Variants in CFAP54 observed in about 807,000 individuals in gnomAD.
CFAP54 encodes cilia and flagella associated protein 54.
In CFAP54, 290 loss-of-function variants were observed where a neutral mutation model predicts 370.4. That is an observed-to-expected ratio of 0.78 (90% CI 0.71 to 0.86). CFAP54 has a LOEUF of 0.86. Among genes scored for constraint, CFAP54 ranks in the 40% least tolerant of loss-of-function variants. The pLI, the probability that CFAP54 is intolerant of heterozygous loss-of-function variation, is 0.00. For missense variants in CFAP54, 3,399 were observed against 3,528.7 expected (o/e 0.96, Z 0.93); for synonymous variants, 1,206 against 1,236.5 (o/e 0.98, Z 0.52).
intron 49 of CFAP54, among the ~76,000 whole-genome samples, chr12:96,719,362 A>G (rs1957722584): frequency 6.6e-6 from 1 of 152,240 alleles, no homozygotes; most frequent in Non-Finnish European, 1.5e-5. Flanking sequence ...TATTTATATA[A>G]TATTCACTGC....
chr12:96,803,122 G>A lies in CFAP54; in HGVS notation c.8851-8614G>A, dbSNP rs145463845. On this transcript the variant is annotated intron_variant, in intron 63 of 67. Coordinates refer to ENST00000524981, the MANE Select transcript of CFAP54 (RefSeq NM_001306084.2). ...TTCCAAGTTTTTGCTATTGTAAATA[G>A]TGCCGCAATAAACACACGTGTGCAT... 9.5e-3 allele frequency among the ~76,000 whole-genome samples: 1,444 copies of A among 152,240 alleles called. 55 individuals are homozygous for A. The East Asian group carries it at 0.1, about 11-fold the overall frequency.
chr12:96,593,000 GTTA>G lies in CFAP54; in HGVS notation c.3360+372_3360+374del, dbSNP rs569232589. 3.3e-3 allele frequency among the ~76,000 whole-genome samples: 501 copies of G among 152,132 alleles called. 4 individuals are homozygous for G. Among genetic ancestry groups the G allele is most frequent in the African/African-American group, 0.011 (475 of 41,532 alleles). On this transcript the variant is annotated intron_variant, in intron 24 of 67. Coordinates refer to ENST00000524981, the MANE Select transcript of CFAP54 (RefSeq NM_001306084.2). ...TAAGAACATATGCCTAGACAAATCT[GTTA>G]TTATTATTTATGAAAATGGGATTAT...
At chr12:96,578,303 G>C (rs953601796) in intron 20 of CFAP54, among the ~76,000 whole-genome samples, 5 of 152,170 alleles carry the variant, frequency 3.3e-5, no homozygotes, top group Admixed American at 1.3e-4. Context: ...AATTGTGAGA[G>C]GAGGGGAATA....
chr12:96,506,682 GT>G (rs973273962), intron 3 of CFAP54, among the ~76,000 whole-genome samples: 2 of 150,900 alleles, frequency 1.3e-5, no homozygotes, highest in Admixed American at 6.6e-5. Context: ...TGCCTCCCAG[GT>G]TCAAACGATT....
intron 67 of CFAP54, among the ~76,000 whole-genome samples, chr12:96,864,390 T>A (rs2136466646): frequency 6.6e-6 from 1 of 152,264 alleles, no homozygotes; most frequent in East Asian, 1.9e-4. Context: ...GAGATTGCTT[T>A]AGAAATTGAC....
intron 1 of CFAP54, among the ~76,000 whole-genome samples, chr12:96,491,957 G>C (rs1046488512): frequency 6.6e-6 from 1 of 151,934 alleles, no homozygotes; most frequent in Non-Finnish European, 1.5e-5. Context: ...ATGGGGTTTC[G>C]CCATGTTGGC....
In CFAP54 at chr12:96,827,238, A is replaced by G. The variant is rs1183402911; in HGVS notation, c.9097-1776A>G. ...ATGTGATTATATATAATGTGCAGTTATATGTGATTATATATAGTGTGCAGT... is the reference window on the plus strand; with the variant it reads ...ATGTGATTATATATAATGTGCAGTTGTATGTGATTATATATAGTGTGCAGT... On this transcript the variant is annotated intron_variant, in intron 65 of 67. Transcript: ENST00000524981. Among the ~76,000 whole-genome samples, 2 of 22,134 alleles carry G rather than the reference A, an allele frequency of 9.0e-5. 1 individual carries two copies. The highest frequency in any genetic ancestry group is 1.3e-4 in the Non-Finnish European group (2 of 15,934). 14.5% of individuals were successfully genotyped at this position (22,134 alleles called of 152,430 possible). A position where few individuals can be genotyped will look rare whatever the true frequency, so the allele number is the denominator to read the frequency against.
At chr12:96,745,937 G>A (rs541160774) in intron 55 of CFAP54, among the ~76,000 whole-genome samples, 21 of 152,264 alleles carry the variant, frequency 1.4e-4, no homozygotes, top group African/African-American at 4.8e-4. Flanking sequence ...TTCAATCCCA[G>A]GTGGATGGTA....
chr12:96,565,982 A>T (rs1267091892), intron 19 of CFAP54, among the ~76,000 whole-genome samples: 7 of 152,308 alleles, frequency 4.6e-5, no homozygotes, highest in Non-Finnish European at 4.4e-5. Context: ...GCAAGATCTG[A>T]TAGTTTAATA....
At chr12:96,602,827 C>T (rs1306965604) in intron 26 of CFAP54, among the ~76,000 whole-genome samples, 1 of 152,066 alleles carries the variant, frequency 6.6e-6, no homozygotes, top group Non-Finnish European at 1.5e-5. Context: ...TCCTTTATCC[C>T]TTTATTTTGG....
intron 20 of CFAP54, among the ~76,000 whole-genome samples, chr12:96,578,585 A>C (rs1956002912): frequency 6.6e-6 from 1 of 152,224 alleles, no homozygotes; most frequent in Non-Finnish European, 1.5e-5. Context: ...TCTTGGAAAT[A>C]GGAAGATATA....
chr12:96,516,992 C>G (rs1372314736), intron 5 of CFAP54, among the ~76,000 whole-genome samples: 1 of 149,226 alleles, frequency 6.7e-6, no homozygotes, highest in East Asian at 1.9e-4. Flanking sequence ...TATCATTTGA[C>G]TTTTTAAAGT....
chr12:96,709,384 A>T (rs1957584496), intron 48 of CFAP54, among the ~76,000 whole-genome samples: 1 of 152,220 alleles, frequency 6.6e-6, no homozygotes, highest in Admixed American at 6.5e-5. Flanking sequence ...GATGGGATTT[A>T]TGGGCCACAG....
intron 66 of CFAP54, among the ~76,000 whole-genome samples, chr12:96,859,980 A>AT (rs1302030899): frequency 6.6e-6 from 1 of 152,130 alleles, no homozygotes; most frequent in African/African-American, 2.4e-5. Context: ...ATACTTTATC[A>AT]TTTTTTTAAT....
intron 65 of CFAP54, among the ~76,000 whole-genome samples, chr12:96,825,370 G>A (rs1233694653): frequency 2.7e-5 from 3 of 112,458 alleles, no homozygotes; most frequent in African/African-American, 7.0e-5. Context: ...TATATATTAT[G>A]TAACATGTGT....
Position 96,581,087 on chromosome 12 carries a change from T to G in CFAP54, c.3057T>G (p.Ala1019=). 1.3e-6 allele frequency: 2 copies of G among 1,504,820 alleles called. No individual in the cohort carries two copies. The highest frequency in any genetic ancestry group is 1.8e-6 in the Non-Finnish European group (2 of 1,132,870). The allele number at this position is 1,504,820 out of a possible 1,614,324, so 93.2% of individuals were successfully genotyped here. ...ATCCCCCTCTTTCTACTATTACTGC[T>G]CGGATGTTCCTGACACAGGTAGAAA... ...LVYPPLSTIT[A]RMFLTQVAYQ... Residue 1019 remains alanine, a synonymous_variant, in exon 22 of 68, where the codon GCT becomes GCG. Transcript: ENST00000524981.
At chr12:96,779,657 T>G (rs924434574) in intron 60 of CFAP54, among the ~76,000 whole-genome samples, 65 of 148,402 alleles carry the variant, frequency 4.4e-4, no homozygotes, top group African/African-American at 1.5e-3. Context: ...TATATTAATT[T>G]ATATATTAAC....
In CFAP54 at chr12:96,743,554, C is replaced by A; in HGVS notation, c.7372C>A (p.Leu2458Ile). Residue 2458 changes from leucine to isoleucine, a missense_variant, in exon 53 of 68, where the codon CTT becomes ATT. Coordinates refer to ENST00000524981, the MANE Select transcript of CFAP54 (RefSeq NM_001306084.2). ...TTTAAAGGCAGACATCATGACAAACCTTCAGGTAGAAAGGAAACTTTGTTC... is the reference window on the plus strand; with the variant it reads ...TTTAAAGGCAGACATCATGACAAACATTCAGGTAGAAAGGAAACTTTGTTC... ...KHLKADIMTN[L>I]QDIIHLLEGN... 6.2e-7 allele frequency: 1 copy of A among 1,613,928 alleles called. No homozygotes were observed. Among genetic ancestry groups the A allele is most frequent in the Non-Finnish European group, 8.5e-7 (1 of 1,179,912 alleles).
At chr12:96,826,003 A>G (rs1959097586) in intron 65 of CFAP54, among the ~76,000 whole-genome samples, 1 of 144,136 alleles carries the variant, frequency 6.9e-6, no homozygotes, top group African/African-American at 2.5e-5. Flanking sequence ...AAATAACAAT[A>G]TATTAATATA....
Sources: allele counts gnomAD v4.1 joint callset (sites outside exome capture counted in the v4.1 genomes callset), GRCh38; gene constraint gnomAD v4.1.1; transcripts MANE v1.5; gene names NCBI Gene and HGNC (gene_info 2026-07-23, HGNC 2026-07-21).